Variants in CADM2 observed in about 807,000 individuals in gnomAD.
The protein encoded by CADM2 is immunoglobulin superfamily member 4D.
Under a neutral mutation model 49.8 loss-of-function variants are expected in CADM2, and 12 were observed. The observed-to-expected ratio is 0.24, with a 90% CI of 0.15 to 0.39. The LOEUF (loss-of-function observed/expected upper bound fraction) is 0.39, where lower values mean the gene tolerates loss of function less well. Among genes scored for constraint, CADM2 ranks in the 10% least tolerant of loss-of-function variants. CADM2 has a pLI of 1.00. For missense variants in CADM2, 378 were observed against 492.3 expected (o/e 0.77, Z 2.20); for synonymous variants, 214 against 175.4 (o/e 1.22, Z -1.74).
At chr3:85,150,095 T>G (rs1331418810) in intron 1 of CADM2, among the ~76,000 whole-genome samples, 1 of 152,196 alleles carries the variant, frequency 6.6e-6, no homozygotes, top group Non-Finnish European at 1.5e-5. Flanking sequence ...TTTGTCATAA[T>G]CCTATCAACT....
chr3:85,930,057 T>G (rs1218985729), intron 6 of CADM2, among the ~76,000 whole-genome samples: 1 of 152,080 alleles, frequency 6.6e-6, no homozygotes, highest in Non-Finnish European at 1.5e-5. Flanking sequence ...TAAAATGGCA[T>G]GTTTAAAGAG....
chr3:85,097,693 AT>A (rs2037852540), intron 1 of CADM2, among the ~76,000 whole-genome samples: 1 of 152,104 alleles, frequency 6.6e-6, no homozygotes, highest in Admixed American at 6.6e-5. Context: ...TAATTGGCAA[AT>A]TTTTCTCACA....
At chr3:85,228,211 T>C (rs1264185277) in intron 1 of CADM2, among the ~76,000 whole-genome samples, 1 of 152,074 alleles carries the variant, frequency 6.6e-6, no homozygotes, top group African/African-American at 2.4e-5. Flanking sequence ...TAATATTCTG[T>C]ACAGCATTTT....
chr3:86,015,390 A>G (rs1732089566), intron 8 of CADM2, among the ~76,000 whole-genome samples: 1 of 152,184 alleles, frequency 6.6e-6, no homozygotes, highest in Non-Finnish European at 1.5e-5. Flanking sequence ...TAGTTAGGTC[A>G]TTTTAGACAT....
chr3:85,167,666 C>G (rs572014866), intron 1 of CADM2, among the ~76,000 whole-genome samples: 20 of 152,240 alleles, frequency 1.3e-4, no homozygotes, highest in African/African-American at 4.6e-4. Context: ...TTTTATTTAA[C>G]AATTAAACCA....
intron 1 of CADM2, among the ~76,000 whole-genome samples, chr3:85,651,047 G>A (rs1165678692): frequency 8.6e-5 from 13 of 151,298 alleles, no homozygotes; most frequent in Non-Finnish European, 5.9e-5. Context: ...TTCATGGTTT[G>A]AACAACTTTA....
chr3:85,077,780 G>T (rs185314030), intron 1 of CADM2, among the ~76,000 whole-genome samples: 1 of 152,086 alleles, frequency 6.6e-6, no homozygotes, highest in Non-Finnish European at 1.5e-5. Flanking sequence ...TCAATGCTCT[G>T]CTGTGGTTTT....
chr3:85,532,541 C>T lies in CADM2; in HGVS notation c.62-193981C>T, dbSNP rs188410047. Among the ~76,000 whole-genome samples, 9 of 152,190 alleles carry T rather than the reference C, an allele frequency of 5.9e-5. No homozygotes were observed. The East Asian group carries it at 7.7e-4, about 13-fold the overall frequency. On this transcript the variant is annotated intron_variant, in intron 1 of 9. Coordinates refer to ENST00000383699, the MANE Select transcript of CADM2 (RefSeq NM_001167675.2). ...CACTCTAGTTACTCAAAACTCATAA[C>T]GGAAAATTACTCAACAATCCTAAAA...
chr3:86,063,435 T>C lies in CADM2; in HGVS notation c.971-2170T>C, dbSNP rs544487538. Among the ~76,000 whole-genome samples, 12 of 151,608 alleles carry C rather than the reference T, an allele frequency of 7.9e-5. No individual in the cohort carries two copies. In the South Asian group the frequency reaches 1.9e-3, roughly 24 times the overall value. On this transcript the variant is annotated intron_variant, in intron 8 of 9. Coordinates refer to ENST00000383699, the MANE Select transcript of CADM2 (RefSeq NM_001167675.2). Reference sequence around the variant, plus strand: ...GTCCCCTCTGTCTTGACAAGGTTTGTTGTTCCCTGAAGAACCTGGATTCTC... The same window carrying C: ...GTCCCCTCTGTCTTGACAAGGTTTGCTGTTCCCTGAAGAACCTGGATTCTC...
intron 1 of CADM2, among the ~76,000 whole-genome samples, chr3:84,978,889 C>T (rs557774103): frequency 6.6e-6 from 1 of 152,232 alleles, no homozygotes; most frequent in South Asian, 2.1e-4. Flanking sequence ...TAAACATGAT[C>T]TCATTTCAAC....
chr3:85,463,175 C>T (rs150584422), intron 1 of CADM2, among the ~76,000 whole-genome samples: 148 of 152,148 alleles, frequency 9.7e-4, no homozygotes, highest in Non-Finnish European at 1.7e-3. Flanking sequence ...CTTTTTGTTC[C>T]GGTACCTTTT....
chr3:85,036,568 AGGT>A (rs957153739), intron 1 of CADM2, among the ~76,000 whole-genome samples: 6 of 152,136 alleles, frequency 3.9e-5, no homozygotes, highest in African/African-American at 1.4e-4. Flanking sequence ...CTTGCCTATT[AGGT>A]TGGTGCAAAA....
chr3:84,983,668 A>G (rs1464596101), intron 1 of CADM2, among the ~76,000 whole-genome samples: 1 of 152,142 alleles, frequency 6.6e-6, no homozygotes, highest in African/African-American at 2.4e-5. Flanking sequence ...AGTGAATATT[A>G]TTGATGACTA....
chr3:85,729,239 A>G (rs2067836414), intron 2 of CADM2, among the ~76,000 whole-genome samples: 2 of 151,990 alleles, frequency 1.3e-5, no homozygotes, highest in East Asian at 1.9e-4. Flanking sequence ...CTCCATTTAT[A>G]TCTTGTTCTG....
chr3:84,992,436 C>G (rs1050029280), intron 1 of CADM2, among the ~76,000 whole-genome samples: 24 of 151,932 alleles, frequency 1.6e-4, no homozygotes, highest in African/African-American at 5.8e-4. Flanking sequence ...CGTGACCATC[C>G]TGGCCAATGT....
intron 2 of CADM2, among the ~76,000 whole-genome samples, chr3:85,789,824 G>A (rs567150521): frequency 8.5e-5 from 13 of 152,234 alleles, no homozygotes; most frequent in African/African-American, 2.9e-4. Flanking sequence ...TGCATGGTGT[G>A]TAAACAAGTT....
chr3:85,292,021 A>G (rs2043812833), intron 1 of CADM2, among the ~76,000 whole-genome samples: 1 of 152,024 alleles, frequency 6.6e-6, no homozygotes, highest in Non-Finnish European at 1.5e-5. Flanking sequence ...AAGACCCATC[A>G]GTGTGCTGTA....
rs1578035216 is a variant in CADM2 at position 86,041,405 on chromosome 3, A to G, written c.971-24200A>G. 3.3e-5 allele frequency among the ~76,000 whole-genome samples: 5 copies of G among 152,310 alleles called. 1 individual carries two copies. In the East Asian group the frequency reaches 9.7e-4, roughly 29 times the overall value. Reference sequence around the variant, plus strand: ...GAGGAAGATCTACGAAGCAAATGGAAAACAAAAAAAGGCAGGGGTTGCAAT... The same window carrying G: ...GAGGAAGATCTACGAAGCAAATGGAGAACAAAAAAAGGCAGGGGTTGCAAT... On this transcript the variant is annotated intron_variant, in intron 8 of 9. Coordinates refer to ENST00000383699, the MANE Select transcript of CADM2 (RefSeq NM_001167675.2).
At chr3:85,004,815 G>T (rs115892636) in intron 1 of CADM2, among the ~76,000 whole-genome samples, 1 of 152,100 alleles carries the variant, frequency 6.6e-6, no homozygotes, top group Non-Finnish European at 1.5e-5. Context: ...AGTGTTCATG[G>T]ATTTTAAGCA....
Sources: allele counts gnomAD v4.1 joint callset (sites outside exome capture counted in the v4.1 genomes callset), GRCh38; gene constraint gnomAD v4.1.1; transcripts MANE v1.5; gene names NCBI Gene and HGNC (gene_info 2026-07-23, HGNC 2026-07-21).